The following PACRG variants were observed in gnomAD, a reference collection of about 807,000 sequenced individuals.
The protein encoded by PACRG is parkin coregulated gene protein.
PACRG carries 29 observed loss-of-function variants against 29.7 expected under a neutral mutation model. The ratio of observed to expected loss-of-function variants is 0.98; its 90% CI spans 0.73 to 1.33. PACRG has a LOEUF of 1.33. Among genes scored for constraint, PACRG ranks in the 40% most tolerant of loss-of-function variants. The pLI is 0.00. For missense variants in PACRG, 279 were observed against 316.2 expected (o/e 0.88, Z 0.89); for synonymous variants, 116 against 118.7 (o/e 0.98, Z 0.15).
intron 4 of PACRG, among the ~76,000 whole-genome samples, chr6:163,271,154 AC>A (rs1336917449): frequency 6.6e-6 from 1 of 152,180 alleles, no homozygotes; most frequent in East Asian, 1.9e-4. Context: ...AGCTTCCAGC[AC>A]GGGAGAAAGA....
chr6:163,266,864 C>T (rs968138621), intron 4 of PACRG, among the ~76,000 whole-genome samples: 3 of 152,150 alleles, frequency 2.0e-5, no homozygotes, highest in Non-Finnish European at 2.9e-5. Flanking sequence ...GGAAAGTTCC[C>T]TCTTCCCGGG....
chr6:162,872,529 A>G (rs901339178), intron 2 of PACRG, among the ~76,000 whole-genome samples: 3 of 152,134 alleles, frequency 2.0e-5, no homozygotes, highest in Non-Finnish European at 4.4e-5. Flanking sequence ...TTTCTTTCCT[A>G]CTCAAGCCAG....
Position 163,046,186 on chromosome 6 carries a change from G to C in PACRG, c.292-15964G>C, listed in dbSNP as rs552472299. Among the ~76,000 whole-genome samples, 22 of 150,730 alleles carry C rather than the reference G, an allele frequency of 1.5e-4. No individual in the cohort carries two copies. In the Admixed American group the frequency reaches 1.5e-3, roughly 10 times the overall value. On this transcript the variant is annotated intron_variant, in intron 2 of 4. Transcript: ENST00000366888. The stretch of plus-strand genomic sequence containing the variant: ...TGCTCCCCTCTGTGCCATCACTCAG[G>C]GGGTATCCTCTGCCCAGAACACTCA...
At chr6:162,740,316 C>CT (rs71008106) in intron 1 of PACRG, among the ~76,000 whole-genome samples, 35,798 of 146,290 alleles carry the variant, frequency 0.24, 4,762 homozygotes, top group African/African-American at 0.36. Context: ...TATCAATCAT[C>CT]TTTTTTTTTT....
intron 2 of PACRG, among the ~76,000 whole-genome samples, chr6:162,921,070 T>A (rs1025084041): frequency 1.3e-5 from 2 of 152,238 alleles, no homozygotes; most frequent in African/African-American, 4.8e-5. Flanking sequence ...ACTGCAATAA[T>A]TAGCTGAACT....
intron 4 of PACRG, among the ~76,000 whole-genome samples, chr6:163,169,111 A>C (rs1250490861): frequency 6.6e-6 from 1 of 152,186 alleles, no homozygotes; most frequent in East Asian, 1.9e-4. Flanking sequence ...TCTTCTTTTG[A>C]GCAAATATCA....
intron 4 of PACRG, among the ~76,000 whole-genome samples, chr6:163,169,978 T>A (rs191275264): frequency 6.6e-6 from 1 of 152,334 alleles, no homozygotes; most frequent in Admixed American, 6.5e-5. Context: ...GTCTGTGTGT[T>A]GTTGTCTGTG....
At chr6:162,826,424 C>T (rs1330503043) in intron 2 of PACRG, among the ~76,000 whole-genome samples, 1 of 150,748 alleles carries the variant, frequency 6.6e-6, no homozygotes, top group Non-Finnish European at 1.5e-5. Flanking sequence ...CATTTTGTTC[C>T]TATTTCAGTA....
intron 1 of PACRG, among the ~76,000 whole-genome samples, chr6:162,775,508 C>T (rs989807127): frequency 6.6e-6 from 1 of 152,242 alleles, no homozygotes; most frequent in Non-Finnish European, 1.5e-5. Flanking sequence ...CTTAAATGCC[C>T]TTTGATAACT....
intron 2 of PACRG, among the ~76,000 whole-genome samples, chr6:162,900,922 C>G (rs1239474559): frequency 6.6e-6 from 1 of 152,164 alleles, no homozygotes; most frequent in East Asian, 1.9e-4. Context: ...TTTGTTTGCT[C>G]ATACTCTATC....
At chr6:163,033,696 C>G (rs1807884167) in intron 2 of PACRG, among the ~76,000 whole-genome samples, 1 of 152,170 alleles carries the variant, frequency 6.6e-6, no homozygotes, top group Non-Finnish European at 1.5e-5. Context: ...GACTCATTTT[C>G]CAAGCCAGGA....
chr6:162,827,317 A>G (rs144069273), intron 2 of PACRG, among the ~76,000 whole-genome samples: 8 of 152,302 alleles, frequency 5.3e-5, no homozygotes, highest in African/African-American at 1.9e-4. Flanking sequence ...TAAACTAACA[A>G]TTGGGACTAG....
At chr6:163,234,665 A>T (rs1482253620) in intron 4 of PACRG, among the ~76,000 whole-genome samples, 8 of 152,228 alleles carry the variant, frequency 5.3e-5, no homozygotes, top group Admixed American at 5.2e-4. Flanking sequence ...GATGCAGGTC[A>T]AAAACCACAG....
chr6:163,077,360 T>A (rs1449836499), intron 3 of PACRG, among the ~76,000 whole-genome samples: 1 of 152,134 alleles, frequency 6.6e-6, no homozygotes, highest in Non-Finnish European at 1.5e-5. Flanking sequence ...ACACGGTGGC[T>A]TCATTAGGAG....
intron 1 of PACRG, among the ~76,000 whole-genome samples, chr6:162,776,781 T>C (rs1238151376): frequency 6.6e-6 from 1 of 152,210 alleles, no homozygotes; most frequent in East Asian, 1.9e-4. Flanking sequence ...TTTTTCTCTT[T>C]ACTAAGAATT....
At chr6:163,312,820 A>T in intron 4 of PACRG, 1 of 430,026 alleles carries the variant, frequency 2.3e-6, no homozygotes. Flanking sequence ...TGGCGCGATC[A>T]TGGCTCGTTG....
Position 163,017,812 on chromosome 6 carries a change from T to C in PACRG, c.292-44338T>C, listed in dbSNP as rs1055620268. Among the ~76,000 whole-genome samples, 21 of 152,168 alleles carry C rather than the reference T, an allele frequency of 1.4e-4. 1 individual carries two copies. The highest frequency in any genetic ancestry group is 2.6e-4 in the Non-Finnish European group (18 of 68,010). On this transcript the variant is annotated intron_variant, in intron 2 of 4. Coordinates refer to ENST00000366888, the MANE Select transcript of PACRG (RefSeq NM_001080379.2). ...TTTACATTTTTACATTTTATCTTTT[T>C]CTATTCAACCTAATAAATATTTTAT...
At chr6:162,905,009 G>A (rs1795829294) in intron 2 of PACRG, among the ~76,000 whole-genome samples, 1 of 152,166 alleles carries the variant, frequency 6.6e-6, no homozygotes, top group Admixed American at 6.5e-5. Flanking sequence ...GGAGTTGAAA[G>A]GGCACAATGC....
intron 1 of PACRG, among the ~76,000 whole-genome samples, chr6:162,794,782 C>T (rs547974862): frequency 2.0e-5 from 3 of 152,190 alleles, no homozygotes; most frequent in Non-Finnish European, 2.9e-5. Flanking sequence ...TGTTCTGTAC[C>T]ATGTACTATT....
Sources: allele counts gnomAD v4.1 joint callset (sites outside exome capture counted in the v4.1 genomes callset), GRCh38; gene constraint gnomAD v4.1.1; transcripts MANE v1.5; gene names NCBI Gene and HGNC (gene_info 2026-07-23, HGNC 2026-07-21).